Variants in PLPP4 observed in about 807,000 individuals in gnomAD.
PLPP4 encodes the protein diacylglycerol pyrophosphate like 2.
In PLPP4, 20 loss-of-function variants were observed where a neutral mutation model predicts 32.2. That is an observed-to-expected ratio of 0.62 (90% CI 0.44 to 0.90). PLPP4 has a LOEUF of 0.90. PLPP4 is among the 40% of genes least tolerant of loss of function. The pLI is 0.00. For missense variants in PLPP4, 257 were observed against 353.1 expected (o/e 0.73, Z 2.18); for synonymous variants, 127 against 133.0 (o/e 0.95, Z 0.31).
At chr10:120,470,047 A>G (rs1848450334) in intron 1 of PLPP4, among the ~76,000 whole-genome samples, 1 of 152,162 alleles carries the variant, frequency 6.6e-6, no homozygotes, top group South Asian at 2.1e-4. Context: ...AATACTGCCA[A>G]ATTGTCCACC....
At chr10:120,490,680 A>C (rs1454794413) in intron 1 of PLPP4, among the ~76,000 whole-genome samples, 1 of 152,232 alleles carries the variant, frequency 6.6e-6, no homozygotes, top group Non-Finnish European at 1.5e-5. Context: ...ACAGTAGGTC[A>C]GAGAAATGGT....
At chr10:120,512,810 T>TA (rs964035520) in intron 2 of PLPP4, among the ~76,000 whole-genome samples, 2 of 151,952 alleles carry the variant, frequency 1.3e-5, no homozygotes, top group Non-Finnish European at 2.9e-5. Flanking sequence ...AGACTCTATC[T>TA]AAAAAAATAA....
intron 1 of PLPP4, among the ~76,000 whole-genome samples, chr10:120,495,483 A>G (rs528589086): frequency 2.0e-5 from 3 of 152,200 alleles, no homozygotes; most frequent in African/African-American, 7.2e-5. Context: ...TGCTGACCAC[A>G]TCGGATGCCT....
intron 1 of PLPP4, among the ~76,000 whole-genome samples, chr10:120,470,948 G>T (rs1321923162): frequency 7.9e-5 from 12 of 152,158 alleles, no homozygotes; most frequent in Admixed American, 7.9e-4. Context: ...TAATGATAGT[G>T]CTAAAATAGT....
rs1844721924 is a variant in PLPP4 at position 120,491,506 on chromosome 10, CT to C, written c.57-12309del. 2.3e-5 allele frequency among the ~76,000 whole-genome samples: 3 copies of C among 129,954 alleles called. No homozygotes were observed. The South Asian group carries it at 7.4e-4, about 32-fold the overall frequency. 85.3% of individuals were successfully genotyped at this position (129,954 alleles called of 152,430 possible). Reference sequence around the variant, plus strand: ...ATTTCCTATCCTGCCCTTCCTTTTACTTTCTAATTTTTCTCATTATTCTTCC... The same window carrying C: ...ATTTCCTATCCTGCCCTTCCTTTTACTTCTAATTTTTCTCATTATTCTTCC... On this transcript the variant is annotated intron_variant, in intron 1 of 6. Transcript: ENST00000398250.
chr10:120,575,345 CCCTCT>C (rs778043283), intron 6 of PLPP4, 44 bp downstream of exon 6: 34 of 1,586,094 alleles, frequency 2.1e-5, no homozygotes, highest in Middle Eastern at 3.4e-4. Flanking sequence ...CTGTGGTTGC[CCCTCT>C]CCTCCAGGGA....
rs78701788 is a variant in PLPP4, at chr10:120,481,464, A to G, written c.57-22354A>G. On this transcript the variant is annotated intron_variant, in intron 1 of 6. Coordinates refer to ENST00000398250, the MANE Select transcript of PLPP4 (RefSeq NM_001030059.3). ...CTTGCTTGGTAGGAGTTGTCCATTC[A>G]CTGCAAATGTTGAATTGTGGAGAGG... Among the ~76,000 whole-genome samples the G allele has an allele frequency of 5.6e-3, 859 of 152,290 alleles. 12 individuals carry two copies. Among genetic ancestry groups the G allele is most frequent in the African/African-American group, 0.02 (833 of 41,558 alleles).
intron 1 of PLPP4, among the ~76,000 whole-genome samples, chr10:120,463,227 C>T (rs1469886953): frequency 2.0e-5 from 3 of 151,988 alleles, no homozygotes; most frequent in Non-Finnish European, 4.4e-5. Flanking sequence ...GTAGTTTCAC[C>T]ATGTTAGCCA....
At chr10:120,460,651 G>A (rs891600745) in intron 1 of PLPP4, among the ~76,000 whole-genome samples, 10 of 152,162 alleles carry the variant, frequency 6.6e-5, no homozygotes, top group African/African-American at 2.2e-4. Flanking sequence ...AAGTAACAGG[G>A]CTAACAAGGG....
chr10:120,571,804 C>T (rs952927440), intron 5 of PLPP4, among the ~76,000 whole-genome samples: 5 of 152,184 alleles, frequency 3.3e-5, no homozygotes, highest in Admixed American at 2.6e-4. Flanking sequence ...GTGCAGAGAA[C>T]CAAGGCTTCC....
chr10:120,503,976 C>A, intron 2 of PLPP4, 50 bp downstream of exon 2: 2 of 1,276,408 alleles, frequency 1.6e-6, no homozygotes, highest in Non-Finnish European at 2.3e-6. Flanking sequence ...CAAAGATGAA[C>A]CAAATGGGTT....
At chr10:120,552,208 G>GTGTGT (rs1847941508) in intron 5 of PLPP4, among the ~76,000 whole-genome samples, 12 of 135,786 alleles carry the variant, frequency 8.8e-5, no homozygotes, top group African/African-American at 1.9e-4. Flanking sequence ...GTGTGTGTGT[G>GTGTGT]ATGTTATGTT....
chr10:120,579,248 G>A (rs902620256), intron 6 of PLPP4, among the ~76,000 whole-genome samples: 3 of 152,094 alleles, frequency 2.0e-5, no homozygotes, highest in Admixed American at 1.3e-4. Context: ...AGCAGCCCTG[G>A]GTGCCTGCGT....
chr10:120,557,419 C>T (rs1848209769), intron 5 of PLPP4, among the ~76,000 whole-genome samples: 1 of 152,130 alleles, frequency 6.6e-6, no homozygotes, highest in African/African-American at 2.4e-5. Context: ...CAATCAAGTG[C>T]CTCCGGAGAA....
intron 6 of PLPP4, chr10:120,580,907 G>A: frequency 7.8e-7 from 1 of 1,289,326 alleles, no homozygotes; most frequent in African/African-American, 1.5e-5. Context: ...GTTGGCTGCT[G>A]TGTATGGCAG....
chr10:120,461,117 A>G (rs1317258949), intron 1 of PLPP4, among the ~76,000 whole-genome samples: 2 of 151,452 alleles, frequency 1.3e-5, no homozygotes, highest in Admixed American at 6.6e-5. Context: ...CTAAAATCTC[A>G]TGCTAGGATG....
At chr10:120,550,632 G>C (rs1303671108) in intron 5 of PLPP4, among the ~76,000 whole-genome samples, 1 of 151,732 alleles carries the variant, frequency 6.6e-6, no homozygotes, top group African/African-American at 2.4e-5. Context: ...TTTCAAAAAA[G>C]GTGTCAAGGT....
chr10:120,590,640 G>C lies in PLPP4; in HGVS notation c.*1138G>C, dbSNP rs1849965289. Among the ~76,000 whole-genome samples, 1 of 152,092 alleles carries C rather than the reference G, an allele frequency of 6.6e-6. No homozygotes were observed. The highest frequency in any genetic ancestry group is 1.5e-5 in the Non-Finnish European group (1 of 68,018). On this transcript the variant is annotated 3_prime_UTR_variant, in exon 7 of 7. Coordinates refer to ENST00000398250, the MANE Select transcript of PLPP4 (RefSeq NM_001030059.3). ...TGAGTATAGAGCACGCTGCTCCTTGGCCAGCTAGTTTTTTCAAGGCAAGGA... is the reference window on the plus strand; with the variant it reads ...TGAGTATAGAGCACGCTGCTCCTTGCCCAGCTAGTTTTTTCAAGGCAAGGA...
chr10:120,556,142 A>G (rs968309582), intron 5 of PLPP4, among the ~76,000 whole-genome samples: 1 of 152,190 alleles, frequency 6.6e-6, no homozygotes, highest in Non-Finnish European at 1.5e-5. Context: ...ATGTATATGT[A>G]TGTGTATTTT....
Sources: allele counts gnomAD v4.1 joint callset (sites outside exome capture counted in the v4.1 genomes callset), GRCh38; gene constraint gnomAD v4.1.1; transcripts MANE v1.5; gene names NCBI Gene and HGNC (gene_info 2026-07-23, HGNC 2026-07-21).